Variants in EIF4E3 observed in about 807,000 individuals in gnomAD.
EIF4E3 encodes eukaryotic translation initiation factor 4E family member 3.
A neutral mutation model predicts 31.7 loss-of-function variants in EIF4E3; 26 were observed. The ratio of observed to expected loss-of-function variants is 0.82; its 90% confidence interval spans 0.60 to 1.14. The LOEUF (loss-of-function observed/expected upper bound fraction) is 1.14, where lower values mean the gene tolerates loss of function less well. EIF4E3 is among the 50% of genes most tolerant of loss of function. The pLI, the probability that EIF4E3 is intolerant of heterozygous loss-of-function variation, is 0.00. For missense variants in EIF4E3, 304 were observed against 270.9 expected (o/e 1.12, Z -0.86); for synonymous variants, 128 against 107.7 (o/e 1.19, Z -1.17).
chr3:71,726,869 G>C (rs865893946), upstream of EIF4E3, among the ~76,000 whole-genome samples: 1 of 152,186 alleles, frequency 6.6e-6, no homozygotes, highest in Non-Finnish European at 1.5e-5. Flanking sequence ...CATTTATCTT[G>C]TTGCTTAATA....
intron 1 of EIF4E3, among the ~76,000 whole-genome samples, chr3:71,723,601 A>T (rs571550494): frequency 6.6e-6 from 1 of 152,282 alleles, no homozygotes; most frequent in African/African-American, 2.4e-5. Context: ...CCTACATGTA[A>T]ACTAATTTTA....
Position 71,683,173 on chromosome 3 carries a change from C to T in EIF4E3, c.*1509G>A, listed in dbSNP as rs575641300. On this transcript the variant is annotated 3_prime_UTR_variant, in exon 7 of 7. Coordinates refer to ENST00000425534, the MANE Select transcript of EIF4E3 (RefSeq NM_001134651.2). ...GTTACTAACCAAGTGAAGGGCACAA[C>T]TTCCATAAGCAGATAATGTTCAAAG... The T allele has an allele frequency of 9.0e-4, 137 of 152,142 alleles. No homozygotes were observed. Among genetic ancestry groups the T allele is most frequent in the African/African-American group, 3.2e-3 (134 of 41,500 alleles). The allele number at this position is 152,142 out of a possible 1,614,324, so 9.4% of individuals were successfully genotyped here.
intron 5 of EIF4E3, among the ~76,000 whole-genome samples, chr3:71,690,630 G>C (rs1044864969): frequency 1.3e-5 from 2 of 152,166 alleles, no homozygotes; most frequent in African/African-American, 4.8e-5. Flanking sequence ...AGGGACCTTG[G>C]AGTGGTCAGC....
At chr3:71,672,763 T>A (rs1337599612), downstream of EIF4E3, among the ~76,000 whole-genome samples, 1 of 152,088 alleles carries the variant, frequency 6.6e-6, no homozygotes, top group Non-Finnish European at 1.5e-5. Context: ...AGCTGCCTGT[T>A]CTCATTTAAA....
At chr3:71,715,656 C>T (rs1289409200) in intron 1 of EIF4E3, among the ~76,000 whole-genome samples, 2 of 152,158 alleles carry the variant, frequency 1.3e-5, no homozygotes, top group Non-Finnish European at 2.9e-5. Context: ...ACAGCTGGAG[C>T]TGAGAACACA....
At chr3:71,754,203 G>A, upstream of EIF4E3, 1 of 1,410,304 alleles carries the variant, frequency 7.1e-7, no homozygotes, top group Non-Finnish European at 9.4e-7. The surrounding 1 kb of genome is among the most constrained non-coding windows in gnomAD (Gnocchi z 5.8). Context: ...CCTGCACCGC[G>A]CCCCGTACTA....
In EIF4E3 at chr3:71,684,571, C is replaced by G; in HGVS notation, c.*111G>C. 7.4e-7 allele frequency: 1 copy of G among 1,353,934 alleles called. No homozygotes were observed. The highest frequency in any genetic ancestry group is 1.0e-6 in the Non-Finnish European group (1 of 962,580). The allele number at this position is 1,353,934 out of a possible 1,614,324, so 83.9% of individuals were successfully genotyped here. A position where few individuals can be genotyped will look rare whatever the true frequency, so the allele number is the denominator to read the frequency against. The stretch of plus-strand genomic sequence containing the variant: ...GCCCATCTGCAAGGACAGAAACCCA[C>G]TCTAAATTGACCAGCATCGGCTTCG... On this transcript the variant is annotated 3_prime_UTR_variant, in exon 7 of 7. Coordinates refer to ENST00000425534, the MANE Select transcript of EIF4E3 (RefSeq NM_001134651.2).
At chr3:71,754,401 G>A, upstream of EIF4E3, 2 of 1,346,856 alleles carry the variant, frequency 1.5e-6, no homozygotes, top group Non-Finnish European at 1.9e-6. The surrounding 1 kb of genome is among the most constrained non-coding windows in gnomAD (Gnocchi z 5.8). Flanking sequence ...GGGCGTGGGC[G>A]TCACCCGCTA....
chr3:71,699,492 T>C (rs1447905), intron 3 of EIF4E3, 122 bp downstream of exon 3: 132,436 of 855,984 alleles, frequency 0.15, 12,017 homozygotes, highest in East Asian at 0.4. Flanking sequence ...TGGGCCATGA[T>C]TGGTATCACA....
intron 1 of EIF4E3, among the ~76,000 whole-genome samples, chr3:71,750,144 T>C (rs1559617118): frequency 6.6e-6 from 1 of 152,254 alleles, no homozygotes; most frequent in Non-Finnish European, 1.5e-5. Flanking sequence ...TCTCTTCTTT[T>C]GTGTCCTTTT....
upstream of EIF4E3, among the ~76,000 whole-genome samples, chr3:71,729,967 C>G (rs969147163): frequency 1.3e-5 from 2 of 151,668 alleles, no homozygotes; most frequent in Non-Finnish European, 2.9e-5. Flanking sequence ...GCAGGCCTGT[C>G]TTTTATGTGG....
At chr3:71,734,824 T>A (rs1268015285) in intron 1 of EIF4E3, among the ~76,000 whole-genome samples, 1 of 152,244 alleles carries the variant, frequency 6.6e-6, no homozygotes, top group African/African-American at 2.4e-5. Context: ...AAAATGACTA[T>A]GACCTGCACA....
At chr3:71,697,894 C>T (rs9858969) in intron 3 of EIF4E3, among the ~76,000 whole-genome samples, 14,599 of 152,116 alleles carry the variant, frequency 0.096, 1,156 homozygotes, top group African/African-American at 0.22. Flanking sequence ...GACATCTCTT[C>T]GACATACTGA....
downstream of EIF4E3, among the ~76,000 whole-genome samples, chr3:71,672,282 A>T (rs1415131281): frequency 1.3e-5 from 2 of 152,178 alleles, no homozygotes; most frequent in Non-Finnish European, 2.9e-5. Context: ...CGAGATCTAT[A>T]AACATTTCAG....
intron 6 of EIF4E3, among the ~76,000 whole-genome samples, chr3:71,687,242 T>C (rs758646010): frequency 4.6e-5 from 7 of 152,186 alleles, no homozygotes; most frequent in Non-Finnish European, 1.0e-4. Flanking sequence ...CCTCAGATGA[T>C]CTGCCTGCCT....
chr3:71,686,649 C>G (rs1055540726), intron 6 of EIF4E3, among the ~76,000 whole-genome samples: 6 of 151,870 alleles, frequency 4.0e-5, no homozygotes, highest in African/African-American at 1.5e-4. Context: ...GGAAATTACA[C>G]TATGCTTCAG....
At chr3:71,672,723 G>C (rs2048853643), downstream of EIF4E3, among the ~76,000 whole-genome samples, 2 of 152,200 alleles carry the variant, frequency 1.3e-5, no homozygotes, top group Non-Finnish European at 2.9e-5. Flanking sequence ...AACAGCAGTG[G>C]TGCCGAATCG....
intron 1 of EIF4E3, among the ~76,000 whole-genome samples, chr3:71,736,457 A>G (rs999966244): frequency 6.6e-6 from 1 of 152,238 alleles, no homozygotes; most frequent in Non-Finnish European, 1.5e-5. Context: ...AGACAATGGA[A>G]TATCATTCAC....
At chr3:71,713,951 C>T (rs892109449) in intron 1 of EIF4E3, among the ~76,000 whole-genome samples, 6 of 152,064 alleles carry the variant, frequency 3.9e-5, no homozygotes, top group African/African-American at 1.4e-4. Context: ...TGGTTCACAC[C>T]TGTAATCTCT....
Sources: gnomAD v4.1 joint callset for allele counts (sites outside exome capture counted in the v4.1 genomes callset) on GRCh38, gnomAD v4.1.1 for gene constraint, Gnocchi (gnomAD v3.1) non-coding constraint, MANE v1.5 for transcripts, NCBI Gene and HGNC (gene_info 2026-07-23, HGNC 2026-07-21) for gene names.